Variants in MYH7B observed in about 807,000 individuals in gnomAD.
MYH7B encodes myosin-7B.
A neutral mutation model predicts 234.5 loss-of-function variants in MYH7B; 205 were observed. That is an observed-to-expected ratio of 0.87 (90% CI 0.78 to 0.98). The LOEUF (loss-of-function observed/expected upper bound fraction) is 0.98. Among genes scored for constraint, MYH7B ranks in the 50% least tolerant of loss-of-function variants. The pLI is 0.00. For synonymous variants in MYH7B, 1,193 were observed against 1,105.0 expected, an observed-to-expected ratio of 1.08 and a Z score of -1.58; for missense variants, 2,652 against 2,633.4, an observed-to-expected ratio of 1.01 and a Z score of -0.15.
chr20:34,965,591 G>GACAC (rs1489275752), intron 2 of MYH7B, among the ~76,000 whole-genome samples: 2 of 152,236 alleles, frequency 1.3e-5, no homozygotes, highest in Admixed American at 6.5e-5. Context: ...GGGGTAGACA[G>GACAC]ATGATAATAA....
Position 35,000,821 on chromosome 20 carries a change from G to A in MYH7B, c.5232G>A (p.Leu1744=), listed in dbSNP as rs1420134942. The change falls in exon 40 of 45, where the codon CTG becomes CTA. Residue 1744 remains leucine (L), a synonymous_variant. Transcript: ENST00000262873. ...AGCTGGAGGCGGACTTGGCCCAGCT[G>A]AGCGGGGAGGTGGAGGAGGCTGCAC... 5.0e-6 allele frequency: 8 copies of A among 1,613,872 alleles called. No homozygotes were observed. In the South Asian group the frequency reaches 6.6e-5, roughly 13 times the overall value.
At chr20:34,963,022 C>G (rs918197131) in intron 2 of MYH7B, among the ~76,000 whole-genome samples, 26 of 152,338 alleles carry the variant, frequency 1.7e-4, no homozygotes, top group Middle Eastern at 3.4e-3. Context: ...CGCTTGAACC[C>G]CAGAGGCAGA....
rs761009520 is a variant in MYH7B at position 34,979,373 on chromosome 20, C to G, written c.92-17C>G. ...CCTCAGCCCCTCTCTGAGTCCAGAG[C>G]TCTCTCTGCAACCCAGGGAAGAAGC... On this transcript the variant is annotated splice_polypyrimidine_tract_variant and intron_variant, in intron 5 of 44. Transcript: ENST00000262873. 4.4e-6 allele frequency: 7 copies of G among 1,596,904 alleles called. No homozygotes were observed. Among genetic ancestry groups the G allele is most frequent in the Admixed American group, 1.7e-5 (1 of 58,722 alleles).
intron 2 of MYH7B, among the ~76,000 whole-genome samples, chr20:34,969,099 G>A (rs1030770697): frequency 6.6e-6 from 1 of 152,148 alleles, no homozygotes; most frequent in Non-Finnish European, 1.5e-5. Context: ...TTTGCTCTGG[G>A]ATGGTTTTGC....
rs766570424 is a variant in MYH7B at position 34,982,467 on chromosome 20, C to T, written c.536C>T (p.Ser179Leu). 3.7e-6 allele frequency: 6 copies of T among 1,613,666 alleles called. No individual in the cohort carries two copies. The highest frequency in any genetic ancestry group is 1.3e-5 in the African/African-American group (1 of 74,776). ...TGTTTGTGTCGTCCAAGCGGAGAGTCGGGGGCCGGTAAGACGGTTAACACC... is the reference window on the plus strand; with the variant it reads ...TGTTTGTGTCGTCCAAGCGGAGAGTTGGGGGCCGGTAAGACGGTTAACACC... Residue 179 changes from serine (S) to leucine (L), a missense_variant, in exon 10 of 45, where the codon TCG (serine) becomes TTG (leucine). Physicochemically the swap from Ser to Leu is moderately radical, Grantham distance 145 (BLOSUM62 -2). Coordinates refer to ENST00000262873, the Ensembl canonical transcript of MYH7B.
At chr20:34,985,020 A>G (rs1051731235) in intron 12 of MYH7B, 46 bp from the exon 13 acceptor site, 9 of 1,611,582 alleles carry the variant, frequency 5.6e-6, no homozygotes, top group Non-Finnish European at 7.6e-6. Flanking sequence ...AGGTGGGGAC[A>G]GTGCTGGCTG....
exon 23 of MYH7B, chr20:34,990,766 T>C: frequency 6.2e-7 from 1 of 1,614,104 alleles, no homozygotes. Context: ...ATGACCAACC[T>C]GCGGGCCACA....
chr20:34,978,646 C>A (rs1203160904), intron 5 of MYH7B, among the ~76,000 whole-genome samples: 1 of 152,130 alleles, frequency 6.6e-6, no homozygotes, highest in Non-Finnish European at 1.5e-5. Context: ...GGAGGTGGGG[C>A]CAGCACCAGA....
intron 23 of MYH7B, 27 bp downstream of exon 23, chr20:34,990,852 G>GGGCCGGGA: frequency 6.2e-7 from 1 of 1,612,398 alleles, no homozygotes; most frequent in East Asian, 2.2e-5. Context: ...GGCCTGGCTG[G>GGGCCGGGA]GGCCGGGAGG....
intron 38 of MYH7B, 59 bp downstream of exon 38, chr20:34,999,965 T>C (rs1008149667): frequency 1.4e-5 from 20 of 1,454,874 alleles, no homozygotes; most frequent in Non-Finnish European, 1.8e-5. Context: ...GGAAGCAGTG[T>C]GTACTCTGCT....
At chr20:34,960,430 T>G (rs1366028273) in intron 2 of MYH7B, among the ~76,000 whole-genome samples, 1 of 152,034 alleles carries the variant, frequency 6.6e-6, no homozygotes, top group African/African-American at 2.4e-5. Context: ...AGAGATGGGG[T>G]TTCACCGTGT....
chr20:34,988,365 G>T (rs564992448), intron 19 of MYH7B, 103 bp downstream of exon 19: 1 of 1,313,768 alleles, frequency 7.6e-7, no homozygotes, highest in South Asian at 1.4e-5. Flanking sequence ...AGTGTGCATG[G>T]AAGCGTGTGA....
chr20:34,989,263 T>C (rs1289191893), intron 19 of MYH7B, among the ~76,000 whole-genome samples: 1 of 152,202 alleles, frequency 6.6e-6, no homozygotes, highest in East Asian at 1.9e-4. Flanking sequence ...GGCGTTTAGG[T>C]GATTGACAGC....
Position 34,985,229 on chromosome 20 carries a change from T to C in MYH7B, c.805+100T>C, listed in dbSNP as rs977464038. ...ACGACTTCTGGGCTCCTGCCTGCTCTGGGCACTTCTCTCTACCCCCTGGCT... is the reference window on the plus strand; with the variant it reads ...ACGACTTCTGGGCTCCTGCCTGCTCCGGGCACTTCTCTCTACCCCCTGGCT... On this transcript the variant is annotated intron_variant, in intron 13 of 44. Coordinates refer to ENST00000262873, the Ensembl canonical transcript of MYH7B. 10 of 1,144,404 alleles carry C rather than the reference T, an allele frequency of 8.7e-6. No homozygotes were observed. In the African/African-American group the frequency reaches 1.4e-4, roughly 16 times the overall value. The allele number at this position is 1,144,404 out of a possible 1,614,324, so 70.9% of individuals were successfully genotyped here.
intron 2 of MYH7B, among the ~76,000 whole-genome samples, chr20:34,971,366 T>A (rs891139871): frequency 6.6e-6 from 1 of 152,168 alleles, no homozygotes; most frequent in African/African-American, 2.4e-5. Flanking sequence ...TTGTCCTTTG[T>A]GAAGATGGGG....
intron 36 of MYH7B, 64 bp from the exon 37 acceptor site, chr20:34,999,507 G>C: frequency 1.3e-6 from 2 of 1,539,580 alleles, no homozygotes; most frequent in South Asian, 1.3e-5. Context: ...TCAGGGGTGA[G>C]TGGAGTGACC....
At chr20:34,977,772 A>C in intron 4 of MYH7B, 92 bp downstream of exon 4, 1 of 1,506,746 alleles carries the variant, frequency 6.6e-7, no homozygotes, top group Non-Finnish European at 9.1e-7. Context: ...GAGTCTTCTG[A>C]ATCTGGAGTG....
exon 17 of MYH7B, chr20:34,987,634 G>A: frequency 6.2e-7 from 1 of 1,614,108 alleles, no homozygotes; most frequent in Non-Finnish European, 8.5e-7. Context: ...CCGGGTGCGT[G>A]TAGGGAACGA....
exon 28 of MYH7B, chr20:34,995,484 T>C: frequency 6.2e-7 from 1 of 1,614,160 alleles, no homozygotes; most frequent in Non-Finnish European, 8.5e-7. Flanking sequence ...CGGCGCAAGC[T>C]GGAGGACGAG....
Sources: allele counts gnomAD v4.1 joint callset (sites outside exome capture counted in the v4.1 genomes callset), GRCh38; gene constraint gnomAD v4.1.1; transcripts MANE v1.5; gene names NCBI Gene and HGNC (gene_info 2026-07-23, HGNC 2026-07-21).